The following MEP1A variants were observed in gnomAD, a reference collection of about 807,000 sequenced individuals.
MEP1A encodes N-benzoyl-L-tyrosyl-P-amino-benzoic acid hydrolase subunit alpha.
A neutral mutation model predicts 84.5 loss-of-function variants in MEP1A; 68 were observed. The ratio of observed to expected loss-of-function variants is 0.80; its 90% CI spans 0.66 to 0.98. The LOEUF is 0.98. MEP1A is among the 50% of genes least tolerant of loss of function. MEP1A has a pLI of 0.00. For synonymous variants in MEP1A, 337 were observed against 336.8 expected, an observed-to-expected ratio of 1.00 and a Z score of -0.01; for missense variants, 887 against 919.9, an observed-to-expected ratio of 0.96 and a Z score of 0.46.
At chr6:46,796,354 T>G (rs1190919327) in intron 3 of MEP1A, among the ~76,000 whole-genome samples, 2 of 152,094 alleles carry the variant, frequency 1.3e-5, no homozygotes, top group African/African-American at 4.8e-5. Context: ...ATTCCCTCAC[T>G]CTATCATATT....
In MEP1A at chr6:46,839,113, C is replaced by A. The variant is rs1217186228; in HGVS notation, c.2218C>A (p.Leu740Ile). The change falls in exon 14 of 14, where the codon CTT becomes ATT. Residue 740 changes from leucine (L) to isoleucine (I), a missense_variant. Leu to Ile is a conservative substitution (Grantham distance 5). Coordinates refer to ENST00000230588, the MANE Select transcript of MEP1A (RefSeq NM_005588.3). Reference protein sequence around the residue: ...IFLTFSIIAILSQRPRK With the variant: ...IFLTFSIIAIISQRPRK ...CTTGACCTTCTCCATCATCGCCATC[C>A]TTTCCCAAAGGCCAAGGAAGTGACC... The A allele has an allele frequency of 2.5e-6, 4 of 1,612,660 alleles. No individual in the cohort carries two copies. The East Asian group carries it at 8.9e-5, about 36-fold the overall frequency.
At chr6:46,804,143 C>G (rs1457521351) in intron 5 of MEP1A, among the ~76,000 whole-genome samples, 4 of 151,582 alleles carry the variant, frequency 2.6e-5, no homozygotes, top group African/African-American at 4.8e-5. Flanking sequence ...GAGTTCTTCT[C>G]TAGTATCATT....
intron 6 of MEP1A, among the ~76,000 whole-genome samples, chr6:46,816,637 G>A (rs1581675999): frequency 6.6e-6 from 1 of 151,724 alleles, no homozygotes; most frequent in African/African-American, 2.4e-5. Flanking sequence ...TGAGGAGAGA[G>A]CAAACATGAA....
chr6:46,795,266 A>C (rs1394257001), intron 3 of MEP1A, among the ~76,000 whole-genome samples: 1 of 152,090 alleles, frequency 6.6e-6, no homozygotes, highest in Non-Finnish European at 1.5e-5. Flanking sequence ...AGCAAATGTT[A>C]TTCGATCTAC....
At chr6:46,819,301 TTATAATGTATTATATCTTCAC>T (rs1474671789) in intron 6 of MEP1A, among the ~76,000 whole-genome samples, 2 of 152,222 alleles carry the variant, frequency 1.3e-5, no homozygotes, top group African/African-American at 4.8e-5. Context: ...TGTGCCACTT[TTATAATGTATTATATCTTCAC>T]TTTTAAAGCC....
intron 6 of MEP1A, among the ~76,000 whole-genome samples, chr6:46,818,982 C>CTGGGTGTGGTGGCACT (rs11271529): frequency 6.6e-6 from 1 of 151,774 alleles, no homozygotes; most frequent in African/African-American, 2.4e-5. Context: ...AAAACATTAT[C>CTGGGTGTGGTGGCACT]TGCCTGTGGT....
chr6:46,808,747 G>A (rs1218290165), intron 5 of MEP1A, among the ~76,000 whole-genome samples: 2 of 151,972 alleles, frequency 1.3e-5, no homozygotes, highest in Non-Finnish European at 2.9e-5. Flanking sequence ...AGTCCATTAG[G>A]CTTCTGCTGC....
intron 7 of MEP1A, 48 bp from the exon 8 acceptor site, chr6:46,825,224 G>A: frequency 7.8e-7 from 1 of 1,288,926 alleles, no homozygotes; most frequent in Non-Finnish European, 1.1e-6. Flanking sequence ...GAGTAGCATG[G>A]GGAAAATAAC....
intron 7 of MEP1A, among the ~76,000 whole-genome samples, chr6:46,824,101 G>A (rs1299921675): frequency 2.0e-5 from 3 of 152,104 alleles, no homozygotes; most frequent in Non-Finnish European, 4.4e-5. Flanking sequence ...ACAGCTCTGG[G>A]CAGACTCAGT....
At chr6:46,823,756 T>A (rs376820935) in intron 7 of MEP1A, among the ~76,000 whole-genome samples, 1 of 152,174 alleles carries the variant, frequency 6.6e-6, no homozygotes, top group East Asian at 1.9e-4. Flanking sequence ...ATCAAAAAAA[T>A]CTGCAAACCT....
At chr6:46,806,278 A>G (rs1206709105) in intron 5 of MEP1A, among the ~76,000 whole-genome samples, 3 of 152,026 alleles carry the variant, frequency 2.0e-5, no homozygotes, top group Non-Finnish European at 4.4e-5. Flanking sequence ...TTTTGATTAT[A>G]TATTAGACAT....
At chr6:46,810,900 G>T (rs1310886544) in intron 6 of MEP1A, among the ~76,000 whole-genome samples, 1 of 152,040 alleles carries the variant, frequency 6.6e-6, no homozygotes, top group African/African-American at 2.4e-5. Flanking sequence ...GTTGGGTAAC[G>T]TGATGACTCC....
rs572020649 is a variant in MEP1A, at chr6:46,839,687, G to A, written c.*551G>A. The A allele has an allele frequency of 6.6e-6, 1 of 152,122 alleles. No individual in the cohort carries two copies. The highest frequency in any genetic ancestry group is 1.5e-5 in the Non-Finnish European group (1 of 68,026). The allele number at this position is 152,122 out of a possible 1,614,324, so 9.4% of individuals were successfully genotyped here. ...ATCTTGTTAAAGATTTCAAATAAAG[G>A]TACTTCTGGGCAGCCAGGCTGCACA... On this transcript the variant is annotated 3_prime_UTR_variant, in exon 14 of 14. Transcript: ENST00000230588.
downstream of MEP1A, among the ~76,000 whole-genome samples, chr6:46,840,495 C>A (rs1283366797): frequency 1.3e-5 from 2 of 152,182 alleles, no homozygotes; most frequent in Non-Finnish European, 2.9e-5. Flanking sequence ...GACTCCCCCA[C>A]AACCTCCACC....
At chr6:46,817,594 T>G in intron 6 of MEP1A, among the ~76,000 whole-genome samples, 1 of 152,226 alleles carries the variant, frequency 6.6e-6, no homozygotes, top group East Asian at 1.9e-4. Flanking sequence ...TTAACAAATT[T>G]ATTTCCATTC....
In MEP1A at chr6:46,815,216, AG is replaced by A. The variant is rs987786228; in HGVS notation, c.381-4310del. Among the ~76,000 whole-genome samples, 80 of 152,264 alleles carry A rather than the reference AG, an allele frequency of 5.3e-4. 1 individual carries two copies. The highest frequency in any genetic ancestry group is 1.9e-3 in the African/African-American group (80 of 41,560). The stretch of plus-strand genomic sequence containing the variant: ...TAGAGAAAGATCACCAGGTTGGAGC[AG>A]GGATAGGCATGTCTGAGCTCAGCCT... On this transcript the variant is annotated intron_variant, in intron 6 of 13. Transcript: ENST00000230588.
At chr6:46,833,890 G>A (rs1251866142) in intron 11 of MEP1A, among the ~76,000 whole-genome samples, 1 of 152,050 alleles carries the variant, frequency 6.6e-6, no homozygotes, top group Non-Finnish European at 1.5e-5. Context: ...TGGGCTCTGT[G>A]CAGAGCTAAT....
chr6:46,840,559 C>G (rs1319019022), downstream of MEP1A, among the ~76,000 whole-genome samples: 1 of 152,208 alleles, frequency 6.6e-6, no homozygotes, highest in African/African-American at 2.4e-5. Flanking sequence ...GGTCTGGAAG[C>G]CAAGCATCCT....
chr6:46,842,131 C>T (rs935972212), downstream of MEP1A, among the ~76,000 whole-genome samples: 1 of 152,080 alleles, frequency 6.6e-6, no homozygotes, highest in Non-Finnish European at 1.5e-5. Flanking sequence ...ATCCCATTAT[C>T]TTTGTCAGCT....
Sources: allele counts gnomAD v4.1 joint callset (sites outside exome capture counted in the v4.1 genomes callset), GRCh38; gene constraint gnomAD v4.1.1; transcripts MANE v1.5; gene names NCBI Gene and HGNC (gene_info 2026-07-23, HGNC 2026-07-21).